NTRK3: variants seen among roughly 807,000 people sequenced by gnomAD.
The protein encoded by NTRK3 is NT-3 growth factor receptor.
Under a neutral mutation model 91.7 loss-of-function variants are expected in NTRK3, and 24 were observed. The observed-to-expected ratio is 0.26, with a 90% confidence interval of 0.19 to 0.37. The LOEUF is 0.37. Ranked by LOEUF, NTRK3 falls within the 10% of genes least tolerant of loss-of-function variation. NTRK3 has a pLI of 1.00. For synonymous variants in NTRK3, 483 were observed against 404.0 expected, an observed-to-expected ratio of 1.20 and a Z score of -2.34; for missense variants, 880 against 1,068.9, an observed-to-expected ratio of 0.82 and a Z score of 2.46.
At chr15:88,118,632 A>T (rs528633877) in intron 13 of NTRK3, among the ~76,000 whole-genome samples, 30 of 152,206 alleles carry the variant, frequency 2.0e-4, no homozygotes, top group Non-Finnish European at 3.4e-4. Context: ...TATTATTCTT[A>T]GCTTTTAAAA....
intron 6 of NTRK3, 117 bp downstream of exon 6, chr15:88,147,218 T>A: frequency 1.1e-6 from 1 of 938,660 alleles, no homozygotes; most frequent in African/African-American, 1.6e-5. Flanking sequence ...CCAACCCAAG[T>A]AGGCTCTTCG....
chr15:88,232,000 G>A (rs967693312), intron 3 of NTRK3, among the ~76,000 whole-genome samples: 6 of 152,148 alleles, frequency 3.9e-5, no homozygotes, highest in Non-Finnish European at 5.9e-5. Context: ...AACCGGATAA[G>A]GTACAGATGC....
At chr15:88,117,201 A>C (rs1036035068) in intron 13 of NTRK3, among the ~76,000 whole-genome samples, 5 of 152,244 alleles carry the variant, frequency 3.3e-5, no homozygotes, top group Admixed American at 6.5e-5. Context: ...ACTCATTTAA[A>C]ATCTAGTTTT....
intron 14 of NTRK3, among the ~76,000 whole-genome samples, chr15:87,969,369 G>A (rs1290388273): frequency 2.6e-5 from 4 of 152,158 alleles, no homozygotes; most frequent in Non-Finnish European, 5.9e-5. Context: ...CAGAAATTGC[G>A]TCCCCCAACT....
At chr15:88,172,470 A>G (rs2045609522) in intron 5 of NTRK3, among the ~76,000 whole-genome samples, 1 of 152,220 alleles carries the variant, frequency 6.6e-6, no homozygotes, top group Non-Finnish European at 1.5e-5. Context: ...CTAATCCCCA[A>G]GACTAGGAGA....
intron 13 of NTRK3, among the ~76,000 whole-genome samples, chr15:88,089,836 C>T (rs575243825): frequency 2.0e-5 from 3 of 152,292 alleles, no homozygotes; most frequent in Admixed American, 6.5e-5. Flanking sequence ...CCCTCCCCTG[C>T]GTTACACCCT....
chr15:88,002,416 GC>G (rs1225163396), intron 14 of NTRK3, among the ~76,000 whole-genome samples: 3 of 151,964 alleles, frequency 2.0e-5, no homozygotes, highest in African/African-American at 7.2e-5. Context: ...GTGTTTATGT[GC>G]CCCAGCCCTC....
At chr15:88,088,144 T>A (rs1023766763) in intron 13 of NTRK3, among the ~76,000 whole-genome samples, 1 of 152,174 alleles carries the variant, frequency 6.6e-6, no homozygotes, top group African/African-American at 2.4e-5. Flanking sequence ...AGCTGTGAGA[T>A]CTTGAATAAG....
chr15:88,006,249 T>TCCACCC (rs1199113160), intron 14 of NTRK3, among the ~76,000 whole-genome samples: 2 of 152,204 alleles, frequency 1.3e-5, no homozygotes, highest in Non-Finnish European at 2.9e-5. Flanking sequence ...CTCCTTCTCT[T>TCCACCC]CCACCCCCAC....
chr15:87,926,438 C>A (rs1164765790), intron 17 of NTRK3, among the ~76,000 whole-genome samples: 1 of 152,174 alleles, frequency 6.6e-6, no homozygotes, highest in Admixed American at 6.5e-5. Flanking sequence ...CAAAAACATA[C>A]ATTTCGAGCT....
Position 88,136,458 on chromosome 15 carries a change from G to C in NTRK3, c.765+9C>G, listed in dbSNP as rs149275429. On this transcript the variant is annotated intron_variant, in intron 8 of 18. Coordinates refer to ENST00000394480, the Ensembl canonical transcript of NTRK3. ...GCCTCCTGATGGGGCTGAAGCCCAGGATGCCTACCTGGTGAGTGTTGATGG... is the reference window on the plus strand; with the variant it reads ...GCCTCCTGATGGGGCTGAAGCCCAGCATGCCTACCTGGTGAGTGTTGATGG... The C allele has an allele frequency of 8.5e-5, 138 of 1,614,162 alleles. No homozygotes were observed. In the East Asian group the frequency reaches 1.6e-3, roughly 19 times the overall value.
At chr15:87,875,857 CTG>C in exon 19 of NTRK3, 1 of 232,522 alleles carries the variant, frequency 4.3e-6, no homozygotes, top group Non-Finnish European at 8.5e-6. Context: ...GGATGAGAAA[CTG>C]AGAGGACCAG....
chr15:88,229,734 C>T (rs928832424), intron 3 of NTRK3, among the ~76,000 whole-genome samples: 1 of 152,206 alleles, frequency 6.6e-6, no homozygotes, highest in African/African-American at 2.4e-5. Context: ...GGCACTTGCT[C>T]ACTCCCACCT....
At chr15:88,214,267 G>A (rs901007336) in intron 3 of NTRK3, among the ~76,000 whole-genome samples, 2 of 152,028 alleles carry the variant, frequency 1.3e-5, no homozygotes, top group African/African-American at 2.4e-5. Context: ...ATGCTCCCTC[G>A]AATGGCTGTA....
Position 88,041,605 on chromosome 15 carries a change from C to A in NTRK3, c.1397-8560G>T, listed in dbSNP as rs80074476. Among the ~76,000 whole-genome samples the A allele has an allele frequency of 1.9e-4, 29 of 152,282 alleles. No individual in the cohort carries two copies. In the East Asian group the frequency reaches 5.0e-3, roughly 26 times the overall value. On this transcript the variant is annotated intron_variant, in intron 13 of 18. Transcript: ENST00000394480. Reference sequence around the variant, plus strand: ...CATGAAACAGAACCCCACTCAGCCCCAGTCCCTCAGTGAGGCCAACTTAGA... The same window carrying A: ...CATGAAACAGAACCCCACTCAGCCCAAGTCCCTCAGTGAGGCCAACTTAGA...
At chr15:88,184,047 G>A (rs373062913) in intron 4 of NTRK3, among the ~76,000 whole-genome samples, 178 bp downstream of exon 4, 1 of 152,184 alleles carries the variant, frequency 6.6e-6, no homozygotes, top group Non-Finnish European at 1.5e-5. Context: ...GTGAAGAGAT[G>A]GCCTTTGAAG....
chr15:87,960,251 G>A (rs1419906315), intron 14 of NTRK3, among the ~76,000 whole-genome samples: 1 of 152,138 alleles, frequency 6.6e-6, no homozygotes, highest in Non-Finnish European at 1.5e-5. Flanking sequence ...GAAATAGGAA[G>A]AAATTCCCTT....
intron 14 of NTRK3, chr15:87,981,469 C>T: frequency 3.4e-6 from 5 of 1,485,190 alleles, no homozygotes; most frequent in Non-Finnish European, 4.7e-6. Flanking sequence ...AACAGAAATC[C>T]AGGTTTCTCA....
At chr15:88,153,810 T>C (rs1473272911) in intron 5 of NTRK3, among the ~76,000 whole-genome samples, 1 of 151,892 alleles carries the variant, frequency 6.6e-6, no homozygotes, top group Non-Finnish European at 1.5e-5. Context: ...TATAGAGCAC[T>C]AATCTCATTC....
Sources: gnomAD v4.1 joint callset for allele counts (sites outside exome capture counted in the v4.1 genomes callset) on GRCh38, gnomAD v4.1.1 for gene constraint, MANE v1.5 for transcripts, NCBI Gene and HGNC (gene_info 2026-07-23, HGNC 2026-07-21) for gene names.